DUSP18: variants seen among roughly 807,000 people sequenced by gnomAD.
The protein encoded by DUSP18 is dual specificity phosphatase 18.
In DUSP18, 4 loss-of-function variants were observed where a neutral mutation model predicts 6.3. The ratio of observed to expected loss-of-function variants is 0.63; its 90% CI spans 0.31 to 1.45. The LOEUF is 1.45. Ranked by LOEUF, DUSP18 falls within the 40% of genes most tolerant of loss-of-function variation. The pLI, the probability that DUSP18 is intolerant of heterozygous loss-of-function variation, is 0.07. For missense variants in DUSP18, 235 were observed against 247.7 expected (o/e 0.95, Z 0.34); for synonymous variants, 96 against 95.1 (o/e 1.01, Z -0.05).
chr22:30,663,213 A>T lies in DUSP18; in HGVS notation c.*224T>A. ...CTCAACCTATCCCCTGGCCAGTGTC[A>T]CTCACAGGGCAGAAAATTTATCTTC... On this transcript the variant is annotated 3_prime_UTR_variant, in exon 2 of 2. Coordinates refer to ENST00000334679, the MANE Select transcript of DUSP18 (RefSeq NM_152511.5). 1.8e-6 allele frequency: 1 copy of T among 543,686 alleles called. No homozygotes were observed. The highest frequency in any genetic ancestry group is 3.2e-6 in the Non-Finnish European group (1 of 308,286). The allele number at this position is 543,686 out of a possible 1,614,324, so 33.7% of individuals were successfully genotyped here.
intron 2 of DUSP18, among the ~76,000 whole-genome samples, chr22:30,655,175 GCCAGGTATGGTGGCTCACA>G (rs1161000704): frequency 1.3e-5 from 2 of 151,990 alleles, no homozygotes; most frequent in Non-Finnish European, 2.9e-5. Flanking sequence ...GAAGCCAGCA[GCCAGGTATGGTGGCTCACA>G]CCTGTAATCC....
chr22:30,655,438 A>G (rs1441951411), intron 2 of DUSP18, among the ~76,000 whole-genome samples: 6 of 151,416 alleles, frequency 4.0e-5, no homozygotes, highest in Non-Finnish European at 5.9e-5. Flanking sequence ...CCAAAAAAAA[A>G]AAAAAAAAAA....
At chr22:30,661,205 C>T (rs940065115), downstream of DUSP18, among the ~76,000 whole-genome samples, 22 of 152,092 alleles carry the variant, frequency 1.4e-4, no homozygotes, top group African/African-American at 5.1e-4. Context: ...GCCACCCCCC[C>T]GCCAAGTGAA....
chr22:30,653,988 T>TTC (rs1555899660), intron 2 of DUSP18: 3 of 157,684 alleles, frequency 1.9e-5, no homozygotes, highest in African/African-American at 7.3e-5. Flanking sequence ...TTTTTTTGTT[T>TTC]TTTTTTTTTG....
downstream of DUSP18, among the ~76,000 whole-genome samples, chr22:30,658,918 G>A (rs1315047075): frequency 6.6e-6 from 1 of 152,108 alleles, no homozygotes; most frequent in Non-Finnish European, 1.5e-5. Context: ...GCTGAGGCGG[G>A]TGGATCACGA....
chr22:30,666,079 G>A (rs1158936915), intron 1 of DUSP18, among the ~76,000 whole-genome samples: 2 of 152,206 alleles, frequency 1.3e-5, no homozygotes, highest in Non-Finnish European at 2.9e-5. Flanking sequence ...TGCTACAGAG[G>A]TGATATGAAG....
chr22:30,665,469 T>G (rs779851638), intron 1 of DUSP18: 1 of 467,622 alleles, frequency 2.1e-6, no homozygotes, highest in South Asian at 1.6e-5. Flanking sequence ...GATCTCTCAG[T>G]CTCTTTCCTT....
At chr22:30,652,531 T>A (rs2088242367) in intron 2 of DUSP18, among the ~76,000 whole-genome samples, 2 of 152,264 alleles carry the variant, frequency 1.3e-5, no homozygotes, top group Non-Finnish European at 2.9e-5. Flanking sequence ...TAGTTCAGCC[T>A]ATGCCCAGGA....
At chr22:30,652,671 G>A (rs1037908351) in intron 2 of DUSP18, among the ~76,000 whole-genome samples, 1 of 152,204 alleles carries the variant, frequency 6.6e-6, no homozygotes, top group African/African-American at 2.4e-5. Context: ...TCACGTGGCT[G>A]TTGGCAGGAG....
At chr22:30,654,825 C>T (rs1378101860) in intron 2 of DUSP18, 2 of 183,618 alleles carry the variant, frequency 1.1e-5, no homozygotes, top group East Asian at 1.8e-4. Context: ...CTTCGGCAGC[C>T]GCCTGGGAAA....
At position 30,663,989 on chromosome 22, in the gene DUSP18, C is replaced by A; in HGVS notation, c.15G>T (p.Ser5=). MTAP[S]CAFPVQFRQP... ...GCCGGAACTGAACTGGGAAGGCACA[C>A]GAGGGTGCTGTCATCAAGGCGGTGG... The change falls in exon 2 of 2, where the codon TCG becomes TCT. Residue 5 remains serine (S), a synonymous_variant. Transcript: ENST00000334679. The A allele has an allele frequency of 1.2e-6, 2 of 1,613,032 alleles. No individual in the cohort carries two copies. Among genetic ancestry groups the A allele is most frequent in the Non-Finnish European group, 1.7e-6 (2 of 1,179,114 alleles).
chr22:30,663,783 G>A lies in DUSP18; in HGVS notation c.221C>T (p.Ser74Phe), dbSNP rs200899592. ...IQYMQVPVADSPNSRLCDFFD... is the reference protein window; with the variant it reads ...IQYMQVPVADFPNSRLCDFFD... Reference sequence around the variant, plus strand: ...GAAGTCACAGAGACGTGAGTTAGGGGAGTCAGCCACAGGTACCTGCATGTA... The same window carrying A: ...GAAGTCACAGAGACGTGAGTTAGGGAAGTCAGCCACAGGTACCTGCATGTA... Residue 74 changes from serine (S) to phenylalanine (F), a missense_variant, in exon 2 of 2, where the codon TCC becomes TTC. By Grantham distance (155) the Ser-to-Phe change is radical (BLOSUM62 -2). Coordinates refer to ENST00000334679, the MANE Select transcript of DUSP18 (RefSeq NM_152511.5). 1.8e-4 allele frequency: 286 copies of A among 1,614,198 alleles called. No homozygotes were observed. Among genetic ancestry groups the A allele is most frequent in the Non-Finnish European group, 2.3e-4 (267 of 1,180,032 alleles).
In DUSP18 at chr22:30,662,352, G is replaced by A. The variant is rs1263850240; in HGVS notation, c.*1085C>T. 6.6e-6 allele frequency: 1 copy of A among 152,222 alleles called. No individual in the cohort carries two copies. The highest frequency in any genetic ancestry group is 1.5e-5 in the Non-Finnish European group (1 of 68,042). 9.4% of individuals were successfully genotyped at this position (152,222 alleles called of 1,614,324 possible). On this transcript the variant is annotated 3_prime_UTR_variant, in exon 2 of 2. Coordinates refer to ENST00000334679, the MANE Select transcript of DUSP18 (RefSeq NM_152511.5). ...AGAGGAGGTGACAGGGCTGGGCCTT[G>A]GTCCGAAGCTCCAGCCTTCCAAGCC...
chr22:30,660,862 T>G (rs2088444065), downstream of DUSP18, among the ~76,000 whole-genome samples: 1 of 150,782 alleles, frequency 6.6e-6, no homozygotes, highest in Non-Finnish European at 1.5e-5. Flanking sequence ...TTTTTTGAGA[T>G]GGAGTCTTGC....
downstream of DUSP18, among the ~76,000 whole-genome samples, chr22:30,657,576 T>G (rs1396980279): frequency 6.6e-6 from 1 of 151,544 alleles, no homozygotes; most frequent in East Asian, 1.9e-4. Flanking sequence ...CTGGGAAATA[T>G]GGTGAGACGC....
At chr22:30,653,601 G>C (rs1027904161) in intron 2 of DUSP18, among the ~76,000 whole-genome samples, 1 of 151,508 alleles carries the variant, frequency 6.6e-6, no homozygotes, top group Non-Finnish European at 1.5e-5. Flanking sequence ...TCGAACTCCT[G>C]ATCTCAAGTG....
At chr22:30,659,251 C>T (rs193206591), downstream of DUSP18, among the ~76,000 whole-genome samples, 9 of 152,138 alleles carry the variant, frequency 5.9e-5, no homozygotes, top group African/African-American at 1.2e-4. Context: ...TGACATTTTC[C>T]GTGGGATTTA....
At chr22:30,655,850 C>T (rs1356076485) in intron 2 of DUSP18, among the ~76,000 whole-genome samples, 1 of 152,116 alleles carries the variant, frequency 6.6e-6, no homozygotes, top group Non-Finnish European at 1.5e-5. Flanking sequence ...GGATGAGAAT[C>T]CACACCTCTT....
chr22:30,659,684 G>A (rs577583471), downstream of DUSP18, among the ~76,000 whole-genome samples: 7 of 152,254 alleles, frequency 4.6e-5, no homozygotes, highest in East Asian at 9.6e-4. Context: ...GAAAATATAA[G>A]AATCAAGATT....
Sources: gnomAD v4.1 joint callset for allele counts (sites outside exome capture counted in the v4.1 genomes callset) on GRCh38, gnomAD v4.1.1 for gene constraint, MANE v1.5 for transcripts, NCBI Gene and HGNC (gene_info 2026-07-23, HGNC 2026-07-21) for gene names.